The following TP63 variants were observed in gnomAD, a reference collection of about 807,000 sequenced individuals.
TP63 encodes tumor protein 63.
A neutral mutation model predicts 82.8 loss-of-function variants in TP63; 17 were observed. The observed-to-expected ratio is 0.21, with a 90% confidence interval of 0.14 to 0.31. The LOEUF is 0.31. Among genes scored for constraint, TP63 ranks in the 10% least tolerant of loss-of-function variants. The pLI, the probability that TP63 is intolerant of heterozygous loss-of-function variation, is 1.00. For missense variants in TP63, 648 were observed against 895.3 expected, an observed-to-expected ratio of 0.72 and a Z score of 3.52; for synonymous variants, 330 against 321.7, an observed-to-expected ratio of 1.03 and a Z score of -0.28.
At chr3:189,849,352 T>C (rs567533166) in intron 4 of TP63, among the ~76,000 whole-genome samples, 10 of 152,354 alleles carry the variant, frequency 6.6e-5, no homozygotes, top group African/African-American at 2.2e-4. Context: ...GATTTGCTCC[T>C]GGTTGTGTGT....
chr3:189,846,940 CA>C (rs1364976112), intron 4 of TP63, among the ~76,000 whole-genome samples: 1 of 151,988 alleles, frequency 6.6e-6, no homozygotes, highest in East Asian at 1.9e-4. Flanking sequence ...CTCGGCCTCC[CA>C]AAATGCTGGG....
At chr3:189,612,710 G>A in the TP63 span, among the ~76,000 whole-genome samples, 2 of 152,144 alleles carry the variant, frequency 1.3e-5, no homozygotes, top group Non-Finnish European at 2.9e-5. Flanking sequence ...CTAGAGACTT[G>A]TTGAATGGTT....
intron 1 of TP63, among the ~76,000 whole-genome samples, chr3:189,681,708 C>T (rs1365951298): frequency 1.3e-5 from 2 of 152,084 alleles, no homozygotes; most frequent in African/African-American, 2.4e-5. Flanking sequence ...TCTACTCTCT[C>T]GCTGACTGCC....
intron 3 of TP63, among the ~76,000 whole-genome samples, chr3:189,744,943 A>C (rs1448771549): frequency 6.6e-6 from 1 of 152,170 alleles, no homozygotes; most frequent in Admixed American, 6.5e-5. Context: ...ACCCAGCAAA[A>C]TTCACTACAG....
Position 189,774,726 on chromosome 3 carries a change from T to A in TP63, c.325-33546T>A, listed in dbSNP as rs565135253. Among the ~76,000 whole-genome samples the A allele has an allele frequency of 2.0e-5, 3 of 152,316 alleles. No individual in the cohort carries two copies. The East Asian group carries it at 5.8e-4, about 29-fold the overall frequency. On this transcript the variant is annotated intron_variant, in intron 3 of 13. Coordinates refer to ENST00000264731, the MANE Select transcript of TP63 (RefSeq NM_003722.5). ...AAATAGAGTTTCCAATTTTCCCCAC[T>A]GCTACCAACCTAGAAAGTATCAGAA...
At chr3:189,738,026 G>C (rs1720720707) in intron 2 of TP63, among the ~76,000 whole-genome samples, 158 bp downstream of exon 2, 1 of 152,112 alleles carries the variant, frequency 6.6e-6, no homozygotes, top group African/African-American at 2.4e-5. Context: ...CAAATTCAGT[G>C]GTGATTTTTT....
intron 4 of TP63, among the ~76,000 whole-genome samples, chr3:189,840,129 T>C (rs1713764587): frequency 6.6e-6 from 1 of 152,192 alleles, no homozygotes; most frequent in South Asian, 2.1e-4. Flanking sequence ...GTAAGTCTTA[T>C]TTTTTACATC....
intron 4 of TP63, among the ~76,000 whole-genome samples, chr3:189,840,356 CGTCTT>C (rs1392034706): frequency 7.6e-4 from 20 of 26,220 alleles, no homozygotes; most frequent in South Asian, 1.3e-3. Flanking sequence ...TTTTGCTTTT[CGTCTT>C]TTTTTTTTTT....
chr3:189,831,182 C>T (rs1184390187), intron 4 of TP63, among the ~76,000 whole-genome samples: 1 of 152,174 alleles, frequency 6.6e-6, no homozygotes. Context: ...GTGACAACAA[C>T]AAAAGCACTT....
the TP63 span, among the ~76,000 whole-genome samples, chr3:189,606,523 T>G: frequency 6.9e-6 from 1 of 144,746 alleles, no homozygotes; most frequent in Non-Finnish European, 1.5e-5. Context: ...TTTTTTTTTT[T>G]TTTTTTTTGA....
At chr3:189,719,709 G>T (rs1014216112) in intron 1 of TP63, among the ~76,000 whole-genome samples, 5 of 152,208 alleles carry the variant, frequency 3.3e-5, no homozygotes, top group Admixed American at 6.5e-5. Flanking sequence ...ACAGATGAGA[G>T]TATGTGGGTA....
In TP63 at chr3:189,890,892, T is replaced by G; in HGVS notation, c.1746+10T>G. 2.5e-6 allele frequency: 4 copies of G among 1,611,768 alleles called. No homozygotes were observed. Among genetic ancestry groups the G allele is most frequent in the Non-Finnish European group, 3.4e-6 (4 of 1,178,160 alleles). ...GCATTACTCCATGGATGTAAGTAACTGTTAGACTTTTCTCAAATTTTATTT... is the reference window on the plus strand; with the variant it reads ...GCATTACTCCATGGATGTAAGTAACGGTTAGACTTTTCTCAAATTTTATTT... On this transcript the variant is annotated intron_variant, in intron 13 of 13. Coordinates refer to ENST00000264731, the MANE Select transcript of TP63 (RefSeq NM_003722.5).
the TP63 span, among the ~76,000 whole-genome samples, chr3:189,619,040 T>C: frequency 6.6e-6 from 1 of 152,204 alleles, no homozygotes; most frequent in Non-Finnish European, 1.5e-5. Context: ...ACTTATTTTT[T>C]AGTCCCCTCA....
chr3:189,612,990 C>G, the TP63 span, among the ~76,000 whole-genome samples: 1 of 152,060 alleles, frequency 6.6e-6, no homozygotes, highest in Non-Finnish European at 1.5e-5. Flanking sequence ...TTTTATAAGG[C>G]AAGTGGAGCA....
chr3:189,878,635 G>A (rs146883465), intron 10 of TP63, among the ~76,000 whole-genome samples: 1,744 of 148,936 alleles, frequency 0.012, 30 homozygotes, highest in African/African-American at 0.042. Flanking sequence ...CACCATGTTG[G>A]CCAGGCTGGT....
chr3:189,816,813 C>G (rs1017480527), intron 4 of TP63, among the ~76,000 whole-genome samples: 16 of 152,078 alleles, frequency 1.1e-4, no homozygotes, highest in Non-Finnish European at 1.9e-4. Flanking sequence ...GTAGATTTCT[C>G]TCTTGTGGTT....
chr3:189,608,288 T>C, the TP63 span, among the ~76,000 whole-genome samples: 1 of 152,160 alleles, frequency 6.6e-6, no homozygotes, highest in African/African-American at 2.4e-5. Context: ...TGTAAGGAAT[T>C]AGAGCATTGG....
chr3:189,700,741 T>C (rs932248294), intron 1 of TP63, among the ~76,000 whole-genome samples: 1 of 152,164 alleles, frequency 6.6e-6, no homozygotes, highest in African/African-American at 2.4e-5. Flanking sequence ...ACATAGAGAA[T>C]TGGAAACAGG....
chr3:189,823,905 T>C (rs1002135373), intron 4 of TP63, among the ~76,000 whole-genome samples: 1 of 152,172 alleles, frequency 6.6e-6, no homozygotes, highest in Non-Finnish European at 1.5e-5. Context: ...AACATTTGTA[T>C]CCTCTCACCT....
Sources: allele counts gnomAD v4.1 joint callset (sites outside exome capture counted in the v4.1 genomes callset), GRCh38; gene constraint gnomAD v4.1.1; transcripts MANE v1.5; gene names NCBI Gene and HGNC (gene_info 2026-07-23, HGNC 2026-07-21).